The following RBFOX1 variants were observed in gnomAD, a reference collection of about 807,000 sequenced individuals.
RBFOX1 encodes RNA binding protein fox-1 homolog 1.
In RBFOX1, 8 loss-of-function variants were observed where a neutral mutation model predicts 57.7. The observed-to-expected ratio is 0.14, with a 90% CI of 0.08 to 0.25. The LOEUF (loss-of-function observed/expected upper bound fraction) is 0.25. RBFOX1 is among the 10% of genes least tolerant of loss of function. The pLI, the probability that RBFOX1 is intolerant of heterozygous loss-of-function variation, is 1.00. For synonymous variants in RBFOX1, 326 were observed against 222.4 expected (o/e 1.47, Z -4.15); for missense variants, 611 against 548.5 (o/e 1.11, Z -1.14).
At chr16:6,833,744 G>GAATT (rs2092884842) in intron 3 of RBFOX1, among the ~76,000 whole-genome samples, 2 of 152,178 alleles carry the variant, frequency 1.3e-5, no homozygotes, top group South Asian at 2.1e-4. Context: ...AAAACAAAAA[G>GAATT]AATTAATTTG....
chr16:6,595,447 G>T (rs926999283), intron 2 of RBFOX1, among the ~76,000 whole-genome samples: 1 of 152,142 alleles, frequency 6.6e-6, no homozygotes, highest in Non-Finnish European at 1.5e-5. Context: ...CGTTGTGTTT[G>T]TCCATTCATT....
chr16:7,579,596 C>T (rs895352450), intron 5 of RBFOX1, among the ~76,000 whole-genome samples, 181 bp from the exon 6 acceptor site: 4 of 152,184 alleles, frequency 2.6e-5, no homozygotes, highest in African/African-American at 9.7e-5. Flanking sequence ...ATAATGAGCA[C>T]CCAGTGGACG....
chr16:6,666,345 C>T (rs746050343), intron 3 of RBFOX1, among the ~76,000 whole-genome samples: 1 of 151,990 alleles, frequency 6.6e-6, no homozygotes, highest in Non-Finnish European at 1.5e-5. Context: ...ACCAGCCTGG[C>T]CAACATGATG....
At chr16:7,089,282 A>G (rs1021001437) in intron 4 of RBFOX1, among the ~76,000 whole-genome samples, 1 of 152,240 alleles carries the variant, frequency 6.6e-6, no homozygotes, top group Non-Finnish European at 1.5e-5. Context: ...ATCACTAGTT[A>G]AAACTGCATG....
intron 4 of RBFOX1, among the ~76,000 whole-genome samples, chr16:7,182,020 A>G (rs1321829519): frequency 6.6e-6 from 1 of 152,228 alleles, no homozygotes; most frequent in Non-Finnish European, 1.5e-5. Flanking sequence ...CCAATCTAAT[A>G]TACATGACAC....
intron 2 of RBFOX1, among the ~76,000 whole-genome samples, chr16:6,638,076 A>C (rs1191000761): frequency 2.6e-5 from 4 of 152,150 alleles, no homozygotes; most frequent in African/African-American, 9.7e-5. Flanking sequence ...ACTCTCTCCC[A>C]ACAAAATATC....
Position 6,754,424 on chromosome 16 carries a change from G to A in RBFOX1, c.-16+99774G>A, listed in dbSNP as rs566337570. Among the ~76,000 whole-genome samples the A allele has an allele frequency of 3.3e-5, 5 of 152,238 alleles. No individual in the cohort carries two copies. The East Asian group carries it at 5.8e-4, about 18-fold the overall frequency. ...TTGGGAATTATATTTCAAAACCTACGGTCGAAGATTCAGTGAATGAAGCTC... is the reference window on the plus strand; with the variant it reads ...TTGGGAATTATATTTCAAAACCTACAGTCGAAGATTCAGTGAATGAAGCTC... On this transcript the variant is annotated intron_variant, in intron 3 of 15. Transcript: ENST00000550418.
chr16:6,114,854 T>A (rs2096482731), intron 1 of RBFOX1, among the ~76,000 whole-genome samples: 1 of 152,128 alleles, frequency 6.6e-6, no homozygotes, highest in Admixed American at 6.6e-5. Flanking sequence ...ATGATATGGC[T>A]CCTTGCAGAG....
intron 4 of RBFOX1, among the ~76,000 whole-genome samples, chr16:7,313,427 C>A (rs1447622169): frequency 2.0e-5 from 3 of 148,796 alleles, no homozygotes; most frequent in South Asian, 4.3e-4. Context: ...TGAAGACTTT[C>A]TTTTTTCCTT....
chr16:7,540,637 A>T (rs1294904275), intron 5 of RBFOX1, among the ~76,000 whole-genome samples: 2 of 152,150 alleles, frequency 1.3e-5, no homozygotes, highest in African/African-American at 2.4e-5. Flanking sequence ...AGATGTCCGT[A>T]AACCTGCTCA....
intron 4 of RBFOX1, among the ~76,000 whole-genome samples, chr16:7,237,384 A>T (rs77581884): frequency 0.029 from 4,410 of 152,224 alleles, 88 homozygotes; most frequent in Middle Eastern, 0.061. Context: ...ATACAATAAT[A>T]ATTAATAATA....
chr16:6,042,898 T>C (rs1273500683), intron 1 of RBFOX1, among the ~76,000 whole-genome samples: 3 of 152,024 alleles, frequency 2.0e-5, no homozygotes, highest in Non-Finnish European at 4.4e-5. Flanking sequence ...TTAAGCTTTA[T>C]CTAAAGACTT....
chr16:6,741,712 G>A (rs1252123993), intron 3 of RBFOX1, among the ~76,000 whole-genome samples: 2 of 151,862 alleles, frequency 1.3e-5, no homozygotes, highest in South Asian at 4.2e-4. Context: ...GAACAATCCT[G>A]TTAAGATATT....
chr16:7,054,232 G>GGGGT (rs2051202151), intron 4 of RBFOX1, among the ~76,000 whole-genome samples: 1 of 32,700 alleles, frequency 3.1e-5, no homozygotes, highest in African/African-American at 1.6e-4. Flanking sequence ...GGGGCGGGGA[G>GGGGT]CTTTTTTTTT....
chr16:6,407,596 G>GAGAGAGAGAGAAA (rs71386523), intron 2 of RBFOX1, among the ~76,000 whole-genome samples: 1 of 146,090 alleles, frequency 6.8e-6, no homozygotes, highest in African/African-American at 2.6e-5. Context: ...AGAGAGAGAA[G>GAGAGAGAGAGAAA]TACATTCTAT....
intron 4 of RBFOX1, among the ~76,000 whole-genome samples, chr16:7,237,411 C>T (rs550472379): frequency 6.6e-6 from 1 of 152,332 alleles, no homozygotes; most frequent in Admixed American, 6.5e-5. Context: ...ACTGATCCTT[C>T]TATAGTTTTG....
intron 4 of RBFOX1, among the ~76,000 whole-genome samples, chr16:7,109,953 A>G (rs1396264688): frequency 1.3e-5 from 2 of 152,150 alleles, no homozygotes; most frequent in Non-Finnish European, 1.5e-5. Context: ...AAAAACTGTG[A>G]TAGGGGTTAT....
chr16:5,431,514 AC>A (rs2067733149), intron 1 of RBFOX1, among the ~76,000 whole-genome samples: 1 of 151,962 alleles, frequency 6.6e-6, no homozygotes. Flanking sequence ...GGCTGGGATT[AC>A]AGGCACCCAC....
intron 2 of RBFOX1, among the ~76,000 whole-genome samples, chr16:6,541,515 C>G (rs558723157): frequency 6.6e-6 from 1 of 151,986 alleles, no homozygotes; most frequent in Non-Finnish European, 1.5e-5. Context: ...ATCAGGGTGA[C>G]GTAGTAGTAC....
Sources: allele counts gnomAD v4.1 joint callset (sites outside exome capture counted in the v4.1 genomes callset), GRCh38; gene constraint gnomAD v4.1.1; transcripts MANE v1.5; gene names NCBI Gene and HGNC (gene_info 2026-07-23, HGNC 2026-07-21).